The following EIF5B variants were observed in gnomAD, a reference collection of about 807,000 sequenced individuals.
The protein encoded by EIF5B is eukaryotic translation initiation factor 5B.
A neutral mutation model predicts 147.5 loss-of-function variants in EIF5B; 47 were observed. The observed-to-expected ratio is 0.32, with a 90% CI of 0.25 to 0.41. The LOEUF is 0.41. EIF5B is among the 10% of genes least tolerant of loss of function. EIF5B has a pLI of 1.00. For synonymous variants in EIF5B, 455 were observed against 456.2 expected (o/e 1.00, Z 0.03); for missense variants, 1,064 against 1,413.2 (o/e 0.75, Z 3.96).
At chr2:99,399,224 T>G in intron 23 of EIF5B, 83 bp from the exon 24 acceptor site, 1 of 1,300,288 alleles carries the variant, frequency 7.7e-7, no homozygotes, top group Non-Finnish European at 1.1e-6. Context: ...TTTAGTACAG[T>G]GAGAGCGGGC....
At chr2:99,397,114 G>A (rs1434299010) in intron 22 of EIF5B, 1 of 414,862 alleles carries the variant, frequency 2.4e-6, no homozygotes, top group Non-Finnish European at 4.1e-6. Flanking sequence ...CTTCTGTTGT[G>A]CTTCAGTATT....
intron 14 of EIF5B, among the ~76,000 whole-genome samples, chr2:99,389,139 C>T (rs996159589): frequency 2.0e-5 from 3 of 152,104 alleles, no homozygotes; most frequent in African/African-American, 7.2e-5. Context: ...TATTTTGTCA[C>T]CCTAGACTCT....
chr2:99,339,720 A>T (rs1277560153), intron 1 of EIF5B, among the ~76,000 whole-genome samples: 1 of 152,154 alleles, frequency 6.6e-6, no homozygotes, highest in African/African-American at 2.4e-5. Flanking sequence ...CACAATAGAA[A>T]AAAGCCATTG....
Position 99,339,005 on chromosome 2 carries a change from CA to C in EIF5B, c.35+1417del, listed in dbSNP as rs1047500054. ...AAATATATACACAAATATATATATA[CA>C]TTTTTTTTTTTTTTTTGAGACGGAG... On this transcript the variant is annotated intron_variant, in intron 1 of 23. Coordinates refer to ENST00000289371, the MANE Select transcript of EIF5B (RefSeq NM_015904.4). 6.9e-5 allele frequency among the ~76,000 whole-genome samples: 4 copies of C among 57,588 alleles called. 1 individual carries two copies. Among genetic ancestry groups the C allele is most frequent in the African/African-American group, 1.4e-4 (3 of 21,988 alleles). The allele number at this position is 57,588 out of a possible 152,430, so 37.8% of individuals were successfully genotyped here.
chr2:99,399,862 T>C lies in EIF5B; in HGVS notation c.*448T>C, dbSNP rs1191863455. On this transcript the variant is annotated 3_prime_UTR_variant, in exon 24 of 24. Transcript: ENST00000289371. ...TTTATGCATATTCTTCCCACAGTGA[T>C]TTTTCCAGCATTCTTCTGCCATATG... 6.4e-6 allele frequency: 1 copy of C among 155,300 alleles called. No individual in the cohort carries two copies. Among genetic ancestry groups the C allele is most frequent in the Non-Finnish European group, 1.4e-5 (1 of 69,566 alleles). 9.6% of individuals were successfully genotyped at this position (155,300 alleles called of 1,614,324 possible). A position where few individuals can be genotyped will look rare whatever the true frequency, so the allele number is the denominator to read the frequency against.
At chr2:99,350,880 A>G (rs1289618646) in intron 1 of EIF5B, among the ~76,000 whole-genome samples, 1 of 152,222 alleles carries the variant, frequency 6.6e-6, no homozygotes, top group East Asian at 1.9e-4. Flanking sequence ...GATTTTTGTT[A>G]AGTGGTGAGA....
In EIF5B at chr2:99,361,259, G is replaced by A; in HGVS notation, c.358G>A (p.Asp120Asn). 6.2e-7 allele frequency: 1 copy of A among 1,612,916 alleles called. No homozygotes were observed. Among genetic ancestry groups the A allele is most frequent in the Non-Finnish European group, 8.5e-7 (1 of 1,179,688 alleles). The change falls in exon 4 of 24, where the codon GAT becomes AAT. Residue 120 changes from aspartate (D) to asparagine (N), a missense_variant. Physicochemically the swap from Asp to Asn is conservative, Grantham distance 23 (BLOSUM62 1). This residue lies in a region of EIF5B where 458 missense variants were observed against 451.3 expected (regional missense o/e 1.01). Transcript: ENST00000289371. Reference sequence around the variant, plus strand: ...TGATAGCGAAGAATTGGAAGATAAAGATTCAAAATCAAAAAAGACTGCAAA... The same window carrying A: ...TGATAGCGAAGAATTGGAAGATAAAAATTCAAAATCAAAAAAGACTGCAAA... Reference protein sequence around the residue: ...DNDSEELEDKDSKSKKTAKPK... With the variant: ...DNDSEELEDKNSKSKKTAKPK...
At chr2:99,369,337 T>C (rs1674392856) in intron 7 of EIF5B, 55 bp from the exon 8 acceptor site, 3 of 1,413,628 alleles carry the variant, frequency 2.1e-6, no homozygotes, top group African/African-American at 2.9e-5. Context: ...TGGAGTATCT[T>C]AACAGAAATT....
intron 10 of EIF5B, among the ~76,000 whole-genome samples, chr2:99,378,679 A>G (rs1373974228): frequency 1.3e-5 from 2 of 152,234 alleles, no homozygotes; most frequent in Non-Finnish European, 2.9e-5. Context: ...CTATATAGTC[A>G]GTATGATGGG....
At chr2:99,344,021 C>T (rs1272599221) in intron 1 of EIF5B, among the ~76,000 whole-genome samples, 1 of 151,112 alleles carries the variant, frequency 6.6e-6, no homozygotes, top group Admixed American at 6.6e-5. Flanking sequence ...CGGGTTCATG[C>T]CATTCTCCTG....
rs1350502567 is a variant in EIF5B, at chr2:99,399,862, T to TTTTTCCA, written c.*449_*455dup. The TTTTTCCA allele has an allele frequency of 6.4e-6, 1 of 155,300 alleles. No homozygotes were observed. The highest frequency in any genetic ancestry group is 6.3e-5 in the Admixed American group (1 of 15,812). The allele number at this position is 155,300 out of a possible 1,614,324, so 9.6% of individuals were successfully genotyped here. A position where few individuals can be genotyped will look rare whatever the true frequency, so the allele number is the denominator to read the frequency against. ...TTTATGCATATTCTTCCCACAGTGA[T>TTTTTCCA]TTTTCCAGCATTCTTCTGCCATATG... On this transcript the variant is annotated 3_prime_UTR_variant, in exon 24 of 24. Coordinates refer to ENST00000289371, the MANE Select transcript of EIF5B (RefSeq NM_015904.4).
At chr2:99,352,470 C>T (rs999763671) in intron 1 of EIF5B, among the ~76,000 whole-genome samples, 3 of 151,440 alleles carry the variant, frequency 2.0e-5, no homozygotes, top group African/African-American at 7.3e-5. Flanking sequence ...GCTGGGATTA[C>T]AGGTGTGAGC....
intron 1 of EIF5B, among the ~76,000 whole-genome samples, chr2:99,343,015 C>A (rs2079565334): frequency 1.3e-5 from 2 of 150,334 alleles, no homozygotes; most frequent in Non-Finnish European, 3.0e-5. Context: ...GGCTGGAGTG[C>A]AGTGGCGTGA....
chr2:99,376,199 G>A, intron 9 of EIF5B, 148 bp from the exon 10 acceptor site: 1 of 533,298 alleles, frequency 1.9e-6, no homozygotes, highest in Admixed American at 3.3e-5. Flanking sequence ...GTGTGTTAGT[G>A]TATTTTATGT....
In EIF5B at chr2:99,357,601, G is replaced by T. The variant is rs184069809; in HGVS notation, c.36-2635G>T. On this transcript the variant is annotated intron_variant, in intron 1 of 23. Transcript: ENST00000289371. ...TGTTATCCTAGAGATGTTTATTGAT[G>T]AATTCTCCAGAAATATAGCTAATCA... Among the ~76,000 whole-genome samples the T allele has an allele frequency of 3.9e-5, 6 of 152,292 alleles. No homozygotes were observed. The East Asian group carries it at 1.2e-3, about 29-fold the overall frequency.
At chr2:99,370,438 G>A (rs1674424184) in intron 8 of EIF5B, among the ~76,000 whole-genome samples, 1 of 152,186 alleles carries the variant, frequency 6.6e-6, no homozygotes, top group Non-Finnish European at 1.5e-5. Flanking sequence ...ATTATTGATA[G>A]TTCCTTTCCT....
intron 8 of EIF5B, chr2:99,371,183 T>C (rs1674437274): frequency 6.6e-6 from 1 of 152,528 alleles, no homozygotes; most frequent in Non-Finnish European, 1.5e-5. Context: ...TATAACATGC[T>C]AGCTATATTA....
intron 14 of EIF5B, 36 bp from the exon 15 acceptor site, chr2:99,389,682 T>G: frequency 6.4e-7 from 1 of 1,570,486 alleles, no homozygotes; most frequent in Non-Finnish European, 8.6e-7. Flanking sequence ...TGTTCTGAAT[T>G]TTTTAGAGAT....
rs143182412 is a variant in EIF5B at position 99,388,471 on chromosome 2, A to C, written c.2272-1247A>C. The stretch of plus-strand genomic sequence containing the variant: ...CAATGCCCTTTATTAAGTTTGAGGA[A>C]GTTTCCTTCTATTCTAGGTGGTTTA... On this transcript the variant is annotated intron_variant, in intron 14 of 23. Transcript: ENST00000289371. Among the ~76,000 whole-genome samples the C allele has an allele frequency of 5.3e-4, 80 of 151,252 alleles. No individual in the cohort carries two copies. In the East Asian group the frequency reaches 0.01, roughly 19 times the overall value.
Sources: gnomAD v4.1 joint callset for allele counts (sites outside exome capture counted in the v4.1 genomes callset) on GRCh38, gnomAD v4.1.1 for gene constraint, gnomAD v4.1.1 regional missense constraint, MANE v1.5 for transcripts, NCBI Gene and HGNC (gene_info 2026-07-23, HGNC 2026-07-21) for gene names.